Variants in CHST9 observed in about 807,000 individuals in gnomAD.
CHST9 encodes carbohydrate sulfotransferase 9, also known as GalNAc-4-sulfotransferase 2.
Under a neutral mutation model 44.4 loss-of-function variants are expected in CHST9, and 41 were observed. The ratio of observed to expected loss-of-function variants is 0.92; its 90% CI spans 0.72 to 1.20. CHST9 has a LOEUF of 1.20. CHST9 is among the 50% of genes most tolerant of loss of function. The probability of loss-of-function intolerance (pLI) is 0.00; values close to 1 mark genes in which losing one functional copy is unlikely to be tolerated. For missense variants in CHST9, 504 were observed against 516.5 expected, an observed-to-expected ratio of 0.98 and a Z score of 0.23; for synonymous variants, 171 against 178.4, an observed-to-expected ratio of 0.96 and a Z score of 0.33.
chr18:26,909,949 G>A lies in CHST9; in HGVS notation c.*6310C>T, dbSNP rs1366095054. 1 of 152,216 alleles carries A rather than the reference G, an allele frequency of 6.6e-6. No homozygotes were observed. The highest frequency in any genetic ancestry group is 1.5e-5 in the Non-Finnish European group (1 of 68,076). 9.4% of individuals were successfully genotyped at this position (152,216 alleles called of 1,614,324 possible). Reference sequence around the variant, plus strand: ...AAAGAAGAATCTTCGGAGAAGGCTGGGAAGCAGGTGATTTTTAGAGTTGAG... The same window carrying A: ...AAAGAAGAATCTTCGGAGAAGGCTGAGAAGCAGGTGATTTTTAGAGTTGAG... On this transcript the variant is annotated 3_prime_UTR_variant, in exon 6 of 6. Transcript: ENST00000618847.
intron 4 of CHST9, among the ~76,000 whole-genome samples, chr18:26,983,710 T>C (rs1205845674): frequency 6.6e-6 from 1 of 152,222 alleles, no homozygotes; most frequent in African/African-American, 2.4e-5. Context: ...GACAAGAATT[T>C]GCATTTCTAA....
Position 27,147,987 on chromosome 18 carries a change from T to A in CHST9, c.-96-5082A>T, listed in dbSNP as rs78731757. 3.8e-3 allele frequency among the ~76,000 whole-genome samples: 580 copies of A among 152,160 alleles called. 1 individual carries two copies. The highest frequency in any genetic ancestry group is 0.013 in the African/African-American group (552 of 41,510). On this transcript the variant is annotated intron_variant, in intron 1 of 5. Coordinates refer to ENST00000618847, the MANE Select transcript of CHST9 (RefSeq NM_031422.6). The stretch of plus-strand genomic sequence containing the variant: ...AGGTATTAAGCCTGGTACTCATTAG[T>A]TATTTTTCCTGACCCTCTCCATCCT...
intron 4 of CHST9, among the ~76,000 whole-genome samples, chr18:27,007,276 A>G (rs1237146835): frequency 6.6e-6 from 1 of 152,174 alleles, no homozygotes; most frequent in Non-Finnish European, 1.5e-5. Context: ...ACAGCACAAT[A>G]TATGTTTTGG....
rs186812379 is a variant in CHST9 at position 27,124,534 on chromosome 18, C to A, written c.121+18155G>T. On this transcript the variant is annotated intron_variant, in intron 2 of 5. Coordinates refer to ENST00000618847, the MANE Select transcript of CHST9 (RefSeq NM_031422.6). Reference sequence around the variant, plus strand: ...ACAGAATTAAAACCCATTACATTTTCCCATTACCACTAGTTTTCCATTTAA... The same window carrying A: ...ACAGAATTAAAACCCATTACATTTTACCATTACCACTAGTTTTCCATTTAA... Among the ~76,000 whole-genome samples, 4 of 152,324 alleles carry A rather than the reference C, an allele frequency of 2.6e-5. No homozygotes were observed. In the East Asian group the frequency reaches 7.7e-4, roughly 29 times the overall value.
At chr18:26,947,381 C>CA (rs1283017951) in intron 4 of CHST9, among the ~76,000 whole-genome samples, 27 of 151,860 alleles carry the variant, frequency 1.8e-4, no homozygotes, top group Non-Finnish European at 3.2e-4. Context: ...AAAGCAATGG[C>CA]AAAAAAAGCC....
intron 2 of CHST9, among the ~76,000 whole-genome samples, chr18:27,063,892 A>G (rs1379874449): frequency 6.6e-6 from 1 of 152,004 alleles, no homozygotes; most frequent in African/African-American, 2.4e-5. Flanking sequence ...TGAAGGTGGG[A>G]GGCCACGAGG....
intron 1 of CHST9, among the ~76,000 whole-genome samples, chr18:27,155,086 T>TAAAAAAAAAAAAAAAAAAAA (rs145704285): frequency 9.2e-6 from 1 of 108,754 alleles, no homozygotes; most frequent in African/African-American, 3.2e-5. Context: ...TTTCAAAAGT[T>TAAAAAAAAAAAAAAAAAAAA]AAAAAAAAAA....
intron 4 of CHST9, among the ~76,000 whole-genome samples, chr18:26,971,261 C>G (rs2056539204): frequency 7.0e-6 from 1 of 143,804 alleles, no homozygotes; most frequent in Non-Finnish European, 1.5e-5. Flanking sequence ...AACACTCACT[C>G]AATGGAATAA....
intron 1 of CHST9, among the ~76,000 whole-genome samples, chr18:27,166,966 G>C (rs1383952292): frequency 6.6e-6 from 1 of 152,232 alleles, no homozygotes; most frequent in African/African-American, 2.4e-5. Flanking sequence ...GGAGCTAGGG[G>C]TAGAGTCCTT....
At chr18:27,080,349 A>T (rs1019381851) in intron 2 of CHST9, among the ~76,000 whole-genome samples, 1 of 151,742 alleles carries the variant, frequency 6.6e-6, no homozygotes, top group Non-Finnish European at 1.5e-5. Context: ...CTACTTGGTT[A>T]ACTCTTACTT....
chr18:27,129,549 T>C (rs1311694989), intron 2 of CHST9, among the ~76,000 whole-genome samples: 1 of 151,962 alleles, frequency 6.6e-6, no homozygotes, highest in Non-Finnish European at 1.5e-5. Context: ...TGCATCATCA[T>C]GCCCAGATAA....
chr18:27,024,840 T>G lies in CHST9; in HGVS notation c.161-683A>C, dbSNP rs62082098. Reference sequence around the variant, plus strand: ...TTAAGGTTTTCCTTGAACGGGTGATTTTTCATGGTGATTACCAAGGGCATC... The same window carrying G: ...TTAAGGTTTTCCTTGAACGGGTGATGTTTCATGGTGATTACCAAGGGCATC... On this transcript the variant is annotated intron_variant, in intron 3 of 5. Coordinates refer to ENST00000618847, the MANE Select transcript of CHST9 (RefSeq NM_031422.6). Among the ~76,000 whole-genome samples the G allele has an allele frequency of 9.9e-3, 1,507 of 152,118 alleles. 18 individuals are homozygous for G. The highest frequency in any genetic ancestry group is 0.015 in the South Asian group (72 of 4,818).
chr18:26,930,327 A>G (rs2055854453), intron 5 of CHST9, among the ~76,000 whole-genome samples: 1 of 152,184 alleles, frequency 6.6e-6, no homozygotes, highest in Non-Finnish European at 1.5e-5. Flanking sequence ...AATGCAAAGG[A>G]AGAATATAGA....
chr18:27,084,626 G>A (rs972720418), intron 2 of CHST9, among the ~76,000 whole-genome samples: 2 of 151,248 alleles, frequency 1.3e-5, no homozygotes, highest in African/African-American at 4.9e-5. Flanking sequence ...TCTTTTGTAT[G>A]GTTTTTTTGG....
intron 2 of CHST9, among the ~76,000 whole-genome samples, chr18:27,082,267 A>G (rs980232264): frequency 5.9e-5 from 9 of 152,366 alleles, no homozygotes; most frequent in Admixed American, 4.6e-4. Context: ...CATATTTTAT[A>G]CTTAAGCATA....
chr18:26,965,127 G>T (rs2056448055), intron 4 of CHST9, among the ~76,000 whole-genome samples: 1 of 152,156 alleles, frequency 6.6e-6, no homozygotes, highest in Non-Finnish European at 1.5e-5. Flanking sequence ...CCAATTACAA[G>T]CATTGGACCA....
intron 4 of CHST9, among the ~76,000 whole-genome samples, chr18:27,019,530 G>A (rs1025477142): frequency 6.6e-6 from 1 of 151,864 alleles, no homozygotes; most frequent in Non-Finnish European, 1.5e-5. Flanking sequence ...GTAAATGGAG[G>A]CCTAGAGACG....
At chr18:27,117,062 A>G (rs2058329132) in intron 2 of CHST9, among the ~76,000 whole-genome samples, 1 of 151,990 alleles carries the variant, frequency 6.6e-6, no homozygotes. Flanking sequence ...TTACTTTTTA[A>G]CTATACGTTT....
At chr18:27,182,955 T>C (rs1258729663) in intron 1 of CHST9, among the ~76,000 whole-genome samples, 2 of 152,214 alleles carry the variant, frequency 1.3e-5, no homozygotes, top group Non-Finnish European at 2.9e-5. Context: ...GATGTTACAT[T>C]CTCCTGGAAA....
Sources: allele counts gnomAD v4.1 joint callset (sites outside exome capture counted in the v4.1 genomes callset), GRCh38; gene constraint gnomAD v4.1.1; transcripts MANE v1.5; gene names NCBI Gene and HGNC (gene_info 2026-07-23, HGNC 2026-07-21).